ST8SIA6: variants seen among roughly 807,000 people sequenced by gnomAD.
ST8SIA6 encodes alpha-2,8-sialyltransferase 8F.
In ST8SIA6, 39 loss-of-function variants were observed where a neutral mutation model predicts 33.6. The ratio of observed to expected loss-of-function variants is 1.16; its 90% CI spans 0.90 to 1.52. The LOEUF is 1.52. Ranked by LOEUF, ST8SIA6 falls within the 40% of genes most tolerant of loss-of-function variation. ST8SIA6 has a pLI of 0.00. For synonymous variants in ST8SIA6, 172 were observed against 167.2 expected (o/e 1.03, Z -0.22); for missense variants, 441 against 443.8 (o/e 0.99, Z 0.06).
At chr10:17,362,485 A>G (rs116995938) in intron 3 of ST8SIA6, among the ~76,000 whole-genome samples, 3,066 of 152,290 alleles carry the variant, frequency 0.02, 52 homozygotes, top group Admixed American at 0.032. Context: ...AAATTGATAT[A>G]CTTTTTTAAA....
chr10:17,371,032 G>T (rs1357043631), intron 3 of ST8SIA6, among the ~76,000 whole-genome samples: 1 of 152,188 alleles, frequency 6.6e-6, no homozygotes, highest in Non-Finnish European at 1.5e-5. Flanking sequence ...GATTGGTGGG[G>T]TTAGGAAGAA....
chr10:17,399,495 A>G (rs1850954225), intron 2 of ST8SIA6, among the ~76,000 whole-genome samples: 1 of 152,226 alleles, frequency 6.6e-6, no homozygotes. Flanking sequence ...TGCAAATAGT[A>G]TCTGCTTAGT....
intron 3 of ST8SIA6, among the ~76,000 whole-genome samples, chr10:17,371,953 C>T (rs1849750600): frequency 6.6e-6 from 1 of 152,064 alleles, no homozygotes; most frequent in African/African-American, 2.4e-5. Context: ...TAAATCCATT[C>T]TCAACCATGT....
intron 2 of ST8SIA6, among the ~76,000 whole-genome samples, chr10:17,421,552 A>C (rs1240553192): frequency 6.6e-6 from 1 of 152,184 alleles, no homozygotes; most frequent in Non-Finnish European, 1.5e-5. Flanking sequence ...CATACAAATT[A>C]GAACAAGTCT....
intron 6 of ST8SIA6, among the ~76,000 whole-genome samples, chr10:17,325,112 A>G (rs1050937501): frequency 4.2e-5 from 6 of 141,360 alleles, no homozygotes; most frequent in African/African-American, 1.5e-4. Context: ...TATACAGAAT[A>G]TATGTATATA....
intron 2 of ST8SIA6, among the ~76,000 whole-genome samples, chr10:17,403,179 A>G (rs971568722): frequency 2.5e-4 from 38 of 152,226 alleles, no homozygotes; most frequent in African/African-American, 8.0e-4. Context: ...TGGGCAGTCA[A>G]AGTATTGGCT....
chr10:17,439,932 T>C (rs1183509210), intron 2 of ST8SIA6, among the ~76,000 whole-genome samples: 3 of 152,176 alleles, frequency 2.0e-5, no homozygotes, highest in African/African-American at 7.2e-5. Flanking sequence ...ACAACAAAGA[T>C]TCAACACTCC....
At chr10:17,323,550 C>T (rs189227499) in intron 6 of ST8SIA6, among the ~76,000 whole-genome samples, 42 of 151,662 alleles carry the variant, frequency 2.8e-4, no homozygotes, top group African/African-American at 9.9e-4. Context: ...ATGCACCAAG[C>T]GAATTTGTAT....
At chr10:17,449,212 A>T (rs553468546) in intron 2 of ST8SIA6, among the ~76,000 whole-genome samples, 1 of 152,022 alleles carries the variant, frequency 6.6e-6, no homozygotes, top group Non-Finnish European at 1.5e-5. Flanking sequence ...TCATTTCAAG[A>T]TATTAAGTTG....
At chr10:17,425,665 G>A (rs886505510) in intron 2 of ST8SIA6, among the ~76,000 whole-genome samples, 4 of 149,856 alleles carry the variant, frequency 2.7e-5, no homozygotes, top group East Asian at 2.0e-4. Flanking sequence ...AGGGAGGAAG[G>A]GAAGAAAGAA....
chr10:17,387,451 G>T (rs1315821948), intron 3 of ST8SIA6, among the ~76,000 whole-genome samples: 7 of 139,352 alleles, frequency 5.0e-5, no homozygotes, highest in East Asian at 2.2e-4. Context: ...GTGGGGCGGG[G>T]GGGGGGGGGT....
intron 3 of ST8SIA6, among the ~76,000 whole-genome samples, chr10:17,385,406 C>A (rs1850298045): frequency 6.6e-6 from 1 of 152,134 alleles, no homozygotes; most frequent in South Asian, 2.1e-4. Context: ...GAAGAGACCA[C>A]CAAACAGGCT....
chr10:17,334,536 T>G (rs1476618445), intron 4 of ST8SIA6, among the ~76,000 whole-genome samples: 13 of 127,604 alleles, frequency 1.0e-4, no homozygotes, highest in Non-Finnish European at 2.0e-4. Context: ...GAGACTCCGT[T>G]TCAAAAAAAA....
In ST8SIA6 at chr10:17,454,501, T is replaced by C. The variant is rs1299885717; in HGVS notation, c.-246A>G. Among the ~76,000 whole-genome samples the C allele has an allele frequency of 6.6e-6, 1 of 151,678 alleles. No homozygotes were observed. ...GGCCCCGGCCCGCGGAGCGCCGCGATCGGCTGGCAGATGACGATTCGCCGA... is the reference window on the plus strand; with the variant it reads ...GGCCCCGGCCCGCGGAGCGCCGCGACCGGCTGGCAGATGACGATTCGCCGA... On this transcript the variant is annotated 5_prime_UTR_variant, in exon 1 of 8. Transcript: ENST00000377602. The surrounding 1 kb of genome is among the most constrained non-coding windows in gnomAD (Gnocchi z 4.1).
chr10:17,339,060 T>C (rs544087333), intron 4 of ST8SIA6, among the ~76,000 whole-genome samples: 2 of 152,368 alleles, frequency 1.3e-5, no homozygotes, highest in African/African-American at 4.8e-5. Context: ...CAAATCATCT[T>C]TGCATTACAA....
chr10:17,437,511 C>G (rs1465656263), intron 2 of ST8SIA6, among the ~76,000 whole-genome samples: 1 of 151,804 alleles, frequency 6.6e-6, no homozygotes, highest in Non-Finnish European at 1.5e-5. Flanking sequence ...TACTTGGTGT[C>G]AGAAGTGGGG....
At chr10:17,393,865 C>T (rs1159739949) in intron 2 of ST8SIA6, among the ~76,000 whole-genome samples, 1 of 152,168 alleles carries the variant, frequency 6.6e-6, no homozygotes, top group East Asian at 1.9e-4. Context: ...CCTCTTAATC[C>T]TGATAGAATT....
At chr10:17,442,514 T>G (rs1038741513) in intron 2 of ST8SIA6, among the ~76,000 whole-genome samples, 6 of 152,236 alleles carry the variant, frequency 3.9e-5, no homozygotes, top group Non-Finnish European at 8.8e-5. Context: ...GTTACATTTC[T>G]ATACAAAGTT....
chr10:17,372,126 T>C (rs12252467), intron 3 of ST8SIA6, among the ~76,000 whole-genome samples: 27,507 of 152,136 alleles, frequency 0.18, 2,630 homozygotes, highest in South Asian at 0.22. Context: ...CTTTCAGACA[T>C]CAATTTTGAA....
Sources: allele counts gnomAD v4.1 joint callset (sites outside exome capture counted in the v4.1 genomes callset), GRCh38; gene constraint gnomAD v4.1.1; non-coding constraint Gnocchi (gnomAD v3.1); transcripts MANE v1.5; gene names NCBI Gene and HGNC (gene_info 2026-07-23, HGNC 2026-07-21).